The following PTPRA variants were observed in gnomAD, a reference collection of about 807,000 sequenced individuals.
PTPRA encodes the protein receptor-type tyrosine-protein phosphatase alpha.
In PTPRA, 25 loss-of-function variants were observed where a neutral mutation model predicts 104.8. The ratio of observed to expected loss-of-function variants is 0.24; its 90% confidence interval spans 0.17 to 0.33. The LOEUF (loss-of-function observed/expected upper bound fraction) is 0.33, where lower values mean the gene tolerates loss of function less well. Among genes scored for constraint, PTPRA ranks in the 10% least tolerant of loss-of-function variants. The pLI is 1.00. For missense variants in PTPRA, 765 were observed against 1,015.3 expected (o/e 0.75, Z 3.35); for synonymous variants, 323 against 368.9 (o/e 0.88, Z 1.43).
intron 20 of PTPRA, 128 bp downstream of exon 20, chr20:3,027,969 C>A: frequency 7.8e-7 from 1 of 1,289,500 alleles, no homozygotes; most frequent in Non-Finnish European, 1.1e-6. Context: ...CCAAAGAGTA[C>A]GTTTGCATAG....
chr20:2,946,871 TAA>T (rs2061155081), intron 2 of PTPRA, among the ~76,000 whole-genome samples: 1 of 150,044 alleles, frequency 6.7e-6, no homozygotes, highest in African/African-American at 2.5e-5. Context: ...ATAATAATAA[TAA>T]AATAAATAAA....
chr20:2,939,562 T>A (rs1378289822), intron 2 of PTPRA, among the ~76,000 whole-genome samples: 1 of 152,178 alleles, frequency 6.6e-6, no homozygotes, highest in Non-Finnish European at 1.5e-5. Flanking sequence ...CTTTCCCAGT[T>A]CTTTACCTAG....
chr20:2,924,577 A>G (rs1230498110), intron 2 of PTPRA, among the ~76,000 whole-genome samples: 7 of 152,198 alleles, frequency 4.6e-5, no homozygotes, highest in East Asian at 1.9e-4. Context: ...TTACCGAGTA[A>G]AACTAAACTA....
chr20:3,003,048 C>T (rs571502127), intron 9 of PTPRA, among the ~76,000 whole-genome samples: 17 of 152,302 alleles, frequency 1.1e-4, no homozygotes, highest in African/African-American at 4.1e-4. Context: ...GAGAGACCCA[C>T]CTGTAATCCA....
At chr20:2,982,950 G>A (rs1390882425) in intron 6 of PTPRA, among the ~76,000 whole-genome samples, 3 of 151,946 alleles carry the variant, frequency 2.0e-5, no homozygotes, top group South Asian at 2.1e-4. Flanking sequence ...TGCCCACCTC[G>A]GCTTCCCAAA....
intron 14 of PTPRA, 107 bp from the exon 15 acceptor site, chr20:3,021,947 A>G (rs1568702473): frequency 7.2e-7 from 1 of 1,397,066 alleles, no homozygotes; most frequent in Non-Finnish European, 9.8e-7. Context: ...CCCTGGGTAC[A>G]CTTACTTTTC....
At chr20:3,021,514 C>T in intron 14 of PTPRA, 86 bp downstream of exon 14, 1 of 1,549,054 alleles carries the variant, frequency 6.5e-7, no homozygotes, top group Non-Finnish European at 8.8e-7. Context: ...CCGCTGTGGT[C>T]AGGAGTTGCT....
chr20:2,957,178 G>A (rs566459855), intron 3 of PTPRA, among the ~76,000 whole-genome samples: 4 of 152,274 alleles, frequency 2.6e-5, no homozygotes, highest in African/African-American at 9.6e-5. Flanking sequence ...CCAGCTACTC[G>A]GAAGGCTGAG....
intron 13 of PTPRA, among the ~76,000 whole-genome samples, chr20:3,018,395 G>A (rs2064583608): frequency 6.6e-6 from 1 of 151,546 alleles, no homozygotes; most frequent in African/African-American, 2.4e-5. Context: ...TTGTGTCCCT[G>A]GGTACTTGAG....
chr20:3,036,900 T>C (rs2065825520), intron 22 of PTPRA, among the ~76,000 whole-genome samples: 1 of 152,212 alleles, frequency 6.6e-6, no homozygotes, highest in African/African-American at 2.4e-5. Context: ...GCAATGGCTC[T>C]GTGCTGGTGG....
At chr20:2,891,694 A>G (rs1371733475) in intron 1 of PTPRA, among the ~76,000 whole-genome samples, 1 of 152,168 alleles carries the variant, frequency 6.6e-6, no homozygotes, top group Non-Finnish European at 1.5e-5. Context: ...TGATAGTCCA[A>G]AAGGTATAGT....
In PTPRA at chr20:2,910,016, A is replaced by ATG. The variant is rs1415156594; in HGVS notation, c.-128-13190_-128-13189insGT. 1.0e-4 allele frequency among the ~76,000 whole-genome samples: 9 copies of ATG among 85,724 alleles called. 1 individual carries two copies. The highest frequency in any genetic ancestry group is 8.7e-4 in the African/African-American group (9 of 10,294). 56.2% of individuals were successfully genotyped at this position (85,724 alleles called of 152,430 possible). ...ATATATAATCTATCATATATCATAT[A>ATG]TAATCTATCATATATCATATCATAT... On this transcript the variant is annotated intron_variant, in intron 1 of 23. Transcript: ENST00000399903.
chr20:3,027,111 C>A lies in PTPRA; in HGVS notation c.1709-10C>A, dbSNP rs1030760314. The A allele has an allele frequency of 2.0e-5, 32 of 1,613,104 alleles. No individual in the cohort carries two copies. Among genetic ancestry groups the A allele is most frequent in the African/African-American group, 4.0e-5 (3 of 74,444 alleles). On this transcript the variant is annotated splice_polypyrimidine_tract_variant and intron_variant, in intron 18 of 23. Coordinates refer to ENST00000399903, the MANE Select transcript of PTPRA (RefSeq NM_001385305.1). ...TATTGGCTAGCCATAAGCCGCTATT[C>A]TTCTTACAGATGAATTCAACAGAGT...
intron 1 of PTPRA, among the ~76,000 whole-genome samples, chr20:2,886,619 C>T (rs917850670): frequency 8.0e-5 from 12 of 150,182 alleles, no homozygotes; most frequent in Middle Eastern, 3.4e-3. Context: ...CCGAGGCGGG[C>T]GGATCACCTG....
In PTPRA at chr20:3,035,640, C is replaced by G. The variant is rs2065760446; in HGVS notation, c.1976C>G (p.Thr659Arg). The change falls in exon 21 of 24, where the codon ACA becomes AGA. Residue 659 changes from threonine (T) to arginine (R), a missense_variant. Physicochemically the swap from Thr to Arg is moderately conservative, Grantham distance 71. Around this residue, in one of 4 missense-constraint regions of PTPRA, gnomAD observed 192 missense variants for 227.0 expected, o/e 0.85. Coordinates refer to ENST00000399903, the MANE Select transcript of PTPRA (RefSeq NM_001385305.1). This position sits in a 1 kb window ranked among gnomAD's most constrained non-coding sequence, Gnocchi z 5.8. The stretch of plus-strand genomic sequence containing the variant: ...GGACTGGTGTCCTATGGAGATATTA[C>G]AGTGGAACTGAAGAAGGAGGAGGAA... The part of the protein sequence containing the change: ...SDGLVSYGDI[T>R]VELKKEEECE... 1 of 1,613,804 alleles carries G rather than the reference C, an allele frequency of 6.2e-7. No homozygotes were observed. The highest frequency in any genetic ancestry group is 8.5e-7 in the Non-Finnish European group (1 of 1,179,842).
intron 2 of PTPRA, among the ~76,000 whole-genome samples, chr20:2,943,153 A>G (rs2060984031): frequency 6.7e-6 from 1 of 150,242 alleles, no homozygotes; most frequent in Admixed American, 6.6e-5. Flanking sequence ...CAGTTTACGT[A>G]GGGTTCAGTA....
chr20:2,907,668 T>C (rs1011062509), intron 1 of PTPRA, among the ~76,000 whole-genome samples: 12 of 152,232 alleles, frequency 7.9e-5, no homozygotes, highest in African/African-American at 2.9e-4. Flanking sequence ...TTTGTAGTTG[T>C]TCAACACAGA....
chr20:2,909,549 T>G (rs147187034), intron 1 of PTPRA, among the ~76,000 whole-genome samples: 2,869 of 151,652 alleles, frequency 0.019, 93 homozygotes, highest in African/African-American at 0.064. Context: ...GCCACTGCAC[T>G]CCAGCCTGGA....
At chr20:3,026,852 A>G (rs564351638) in intron 18 of PTPRA, 72 bp downstream of exon 18, 1 of 1,270,748 alleles carries the variant, frequency 7.9e-7, no homozygotes, top group Non-Finnish European at 1.1e-6. Context: ...TCCATTTCTC[A>G]GGTACTAGTT....
Sources: gnomAD v4.1 joint callset for allele counts (sites outside exome capture counted in the v4.1 genomes callset) on GRCh38, gnomAD v4.1.1 for gene constraint, gnomAD v4.1.1 regional missense constraint, Gnocchi (gnomAD v3.1) non-coding constraint, MANE v1.5 for transcripts, NCBI Gene and HGNC (gene_info 2026-07-23, HGNC 2026-07-21) for gene names.